The following AGMO variants were observed in gnomAD, a reference collection of about 807,000 sequenced individuals.
The protein encoded by AGMO is glyceryl-ether monooxygenase.
Under a neutral mutation model 60.2 loss-of-function variants are expected in AGMO, and 75 were observed. The ratio of observed to expected loss-of-function variants is 1.25; its 90% confidence interval spans 1.03 to 1.51. The LOEUF (loss-of-function observed/expected upper bound fraction) is 1.51. Among genes scored for constraint, AGMO ranks in the 40% most tolerant of loss-of-function variants. The pLI is 0.00. For synonymous variants in AGMO, 261 were observed against 177.1 expected, an observed-to-expected ratio of 1.47 and a Z score of -3.76; for missense variants, 763 against 525.5, an observed-to-expected ratio of 1.45 and a Z score of -4.42.
At chr7:15,369,383 A>T (rs940090409) in intron 10 of AGMO, among the ~76,000 whole-genome samples, 1 of 152,002 alleles carries the variant, frequency 6.6e-6, no homozygotes, top group Non-Finnish European at 1.5e-5. Context: ...TAGCCCAAAT[A>T]CGCCATACCC....
chr7:15,281,554 G>A (rs1363635320), intron 12 of AGMO, among the ~76,000 whole-genome samples: 2 of 152,132 alleles, frequency 1.3e-5, no homozygotes, highest in East Asian at 1.9e-4. Flanking sequence ...AGTGTGTCTA[G>A]GAAGTGGATC....
intron 12 of AGMO, among the ~76,000 whole-genome samples, chr7:15,318,646 T>C (rs1322540252): frequency 1.3e-5 from 2 of 152,196 alleles, no homozygotes; most frequent in Admixed American, 6.6e-5. Flanking sequence ...AAGAATATCA[T>C]GAGCTTTATC....
chr7:15,417,441 C>G (rs184353350), intron 5 of AGMO, among the ~76,000 whole-genome samples: 16 of 152,258 alleles, frequency 1.1e-4, no homozygotes, highest in African/African-American at 3.9e-4. Context: ...ATGGCGTGAC[C>G]TGGAGCAGAG....
intron 12 of AGMO, among the ~76,000 whole-genome samples, chr7:15,254,030 G>T (rs1029231375): frequency 3.3e-5 from 5 of 152,026 alleles, no homozygotes; most frequent in Non-Finnish European, 5.9e-5. Context: ...CAAAATGACA[G>T]GCAAATATGA....
At chr7:15,368,510 G>C (rs1336886643) in intron 10 of AGMO, among the ~76,000 whole-genome samples, 1 of 152,030 alleles carries the variant, frequency 6.6e-6, no homozygotes, top group Non-Finnish European at 1.5e-5. Flanking sequence ...ATGTAAACAT[G>C]AGCAAATTAT....
intron 12 of AGMO, among the ~76,000 whole-genome samples, chr7:15,277,224 G>C (rs1199621479): frequency 6.6e-6 from 1 of 151,960 alleles, no homozygotes; most frequent in African/African-American, 2.4e-5. Context: ...AGAATTGCTT[G>C]AGCCTGGGAG....
At chr7:15,236,352 G>A (rs1054173850) in intron 12 of AGMO, among the ~76,000 whole-genome samples, 1 of 151,972 alleles carries the variant, frequency 6.6e-6, no homozygotes, top group African/African-American at 2.4e-5. Context: ...TAATTTATAA[G>A]CATGACTCCT....
chr7:15,199,028 T>A (rs372744849), downstream of AGMO, among the ~76,000 whole-genome samples: 5 of 152,300 alleles, frequency 3.3e-5, no homozygotes, highest in South Asian at 4.2e-4. Flanking sequence ...CCGTTATCAT[T>A]TTTGTTTCAA....
chr7:15,308,890 C>T (rs1310347428), intron 12 of AGMO, among the ~76,000 whole-genome samples: 3 of 152,210 alleles, frequency 2.0e-5, no homozygotes, highest in South Asian at 4.1e-4. Context: ...TATGGTAAAA[C>T]AGATTCAATC....
chr7:15,399,902 C>T (rs1239701513), intron 5 of AGMO, among the ~76,000 whole-genome samples: 1 of 152,200 alleles, frequency 6.6e-6, no homozygotes, highest in African/African-American at 2.4e-5. Flanking sequence ...TCTTCTCCGT[C>T]TAAGACCTTA....
At chr7:15,448,695 T>C (rs143129759) in intron 3 of AGMO, among the ~76,000 whole-genome samples, 171 of 152,236 alleles carry the variant, frequency 1.1e-3, no homozygotes, top group African/African-American at 4.0e-3. Flanking sequence ...AAATTTTGCT[T>C]TTGAATTAAG....
chr7:15,153,364 T>A, the AGMO span, among the ~76,000 whole-genome samples: 5 of 152,184 alleles, frequency 3.3e-5, no homozygotes, highest in Admixed American at 6.5e-5. Flanking sequence ...CATATATTTA[T>A]CTTTATTTTT....
chr7:15,344,931 T>G (rs562318824), intron 12 of AGMO, among the ~76,000 whole-genome samples: 18 of 152,334 alleles, frequency 1.2e-4, no homozygotes, highest in South Asian at 6.2e-4. Context: ...TTTCTTGAGA[T>G]GCAAAGAATG....
chr7:15,156,345 G>T, the AGMO span, among the ~76,000 whole-genome samples: 1 of 88,870 alleles, frequency 1.1e-5, no homozygotes, highest in East Asian at 8.3e-4. Context: ...CATTAACCCT[G>T]GGAGAGGCTG....
chr7:15,531,946 A>T (rs1784379654), intron 3 of AGMO, among the ~76,000 whole-genome samples: 1 of 151,944 alleles, frequency 6.6e-6, no homozygotes, highest in Admixed American at 6.6e-5. Context: ...TGGAATTACA[A>T]GCCTGAGCCA....
intron 5 of AGMO, among the ~76,000 whole-genome samples, chr7:15,411,768 A>G (rs1780616335): frequency 6.6e-6 from 1 of 152,080 alleles, no homozygotes; most frequent in African/African-American, 2.4e-5. Context: ...CTCTACAATC[A>G]TTACTTAAAA....
chr7:15,438,645 C>T (rs1006178281), intron 3 of AGMO, among the ~76,000 whole-genome samples: 1 of 152,090 alleles, frequency 6.6e-6, no homozygotes, highest in Non-Finnish European at 1.5e-5. Flanking sequence ...TGTTCCTCTG[C>T]AACAGCAATC....
chr7:15,364,741 A>C (rs1782905262), intron 12 of AGMO, among the ~76,000 whole-genome samples: 1 of 152,072 alleles, frequency 6.6e-6, no homozygotes, highest in African/African-American at 2.4e-5. Flanking sequence ...AATATTAAAT[A>C]ATGAAAGTGT....
chr7:15,271,257 G>C (rs983247725), intron 12 of AGMO, among the ~76,000 whole-genome samples: 1 of 152,132 alleles, frequency 6.6e-6, no homozygotes, highest in African/African-American at 2.4e-5. Flanking sequence ...ATGGCTATGG[G>C]CAGTATGGTC....
Sources: allele counts gnomAD v4.1 joint callset (sites outside exome capture counted in the v4.1 genomes callset), GRCh38; gene constraint gnomAD v4.1.1; transcripts MANE v1.5; gene names NCBI Gene and HGNC (gene_info 2026-07-23, HGNC 2026-07-21).